Variants in CCDC192 observed in about 807,000 individuals in gnomAD.
CCDC192 encodes coiled-coil domain-containing protein 192.
chr5:127,881,388 G>A (rs1752345910), intron 6 of CCDC192, among the ~76,000 whole-genome samples: 1 of 152,150 alleles, frequency 6.6e-6, no homozygotes, highest in Non-Finnish European at 1.5e-5. Context: ...TTAATGAAAT[G>A]TTTCCAAATA....
intron 6 of CCDC192, among the ~76,000 whole-genome samples, chr5:127,900,404 T>G (rs1753006947): frequency 6.6e-6 from 1 of 152,308 alleles, no homozygotes; most frequent in Middle Eastern, 3.4e-3. Flanking sequence ...TAGGATGAGA[T>G]TCCACCTGTT....
At chr5:127,940,595 G>T (rs536360665) in intron 6 of CCDC192, 1 of 151,990 alleles carries the variant, frequency 6.6e-6, no homozygotes, top group East Asian at 1.9e-4. Flanking sequence ...GACTACAGGC[G>T]CCTGCCACCA....
At chr5:127,834,294 A>G (rs1329960874) in intron 5 of CCDC192, among the ~76,000 whole-genome samples, 1 of 152,104 alleles carries the variant, frequency 6.6e-6, no homozygotes, top group Non-Finnish European at 1.5e-5. Flanking sequence ...TTGTCTCATC[A>G]CTTGTCTAAA....
At chr5:127,725,540 T>A (rs903825971) in intron 2 of CCDC192, among the ~76,000 whole-genome samples, 2 of 152,242 alleles carry the variant, frequency 1.3e-5, no homozygotes, top group African/African-American at 4.8e-5. Flanking sequence ...ATAAGATATC[T>A]GATATTCCCA....
rs182180935 is a variant in CCDC192, at chr5:127,928,205, C to T, written c.536-12977C>T. Among the ~76,000 whole-genome samples, 219 of 152,246 alleles carry T rather than the reference C, an allele frequency of 1.4e-3. 2 individuals carry two copies. Among genetic ancestry groups the T allele is most frequent in the African/African-American group, 5.1e-3 (211 of 41,562 alleles). On this transcript the variant is annotated intron_variant, in intron 6 of 6. Coordinates refer to ENST00000514853, the MANE Select transcript of CCDC192 (RefSeq NM_001317938.2). ...AAAGTGCTGGGATTACAGGCCTGAGCGACCACGCCTGGCTGGTGATCTTTT... is the reference window on the plus strand; with the variant it reads ...AAAGTGCTGGGATTACAGGCCTGAGTGACCACGCCTGGCTGGTGATCTTTT...
intron 6 of CCDC192, among the ~76,000 whole-genome samples, chr5:127,912,047 G>A (rs952413978): frequency 1.3e-5 from 2 of 150,518 alleles, no homozygotes; most frequent in Non-Finnish European, 1.5e-5. Flanking sequence ...TCAGCCTCCC[G>A]AGCAGCTGGG....
intron 6 of CCDC192, among the ~76,000 whole-genome samples, chr5:127,902,304 ATAAG>A (rs1753057985): frequency 6.6e-6 from 1 of 152,048 alleles, no homozygotes; most frequent in Non-Finnish European, 1.5e-5. Context: ...AATTAAAAAA[ATAAG>A]AACCACATAA....
At chr5:127,815,124 TA>T (rs1748946196) in intron 5 of CCDC192, among the ~76,000 whole-genome samples, 1 of 152,206 alleles carries the variant, frequency 6.6e-6, no homozygotes, top group Admixed American at 6.5e-5. Context: ...GGTGTTTCTC[TA>T]TCTGAAACTG....
intron 5 of CCDC192, among the ~76,000 whole-genome samples, chr5:127,814,422 C>A (rs1465305059): frequency 2.6e-5 from 4 of 152,082 alleles, no homozygotes; most frequent in Non-Finnish European, 5.9e-5. Flanking sequence ...CAGGAGGTAA[C>A]CAAAGTAACC....
chr5:127,918,825 G>A (rs1408474438), intron 6 of CCDC192, among the ~76,000 whole-genome samples: 1 of 150,010 alleles, frequency 6.7e-6, no homozygotes, highest in Non-Finnish European at 1.5e-5. Flanking sequence ...GTGTGTCTCT[G>A]TATGTCTCTC....
chr5:127,807,631 A>G (rs1757862506), intron 5 of CCDC192, among the ~76,000 whole-genome samples: 1 of 152,118 alleles, frequency 6.6e-6, no homozygotes, highest in Non-Finnish European at 1.5e-5. Flanking sequence ...GTAGTTCTTC[A>G]ATTCAAGAAA....
At chr5:127,890,345 AGTTGC>A (rs1752698094) in intron 6 of CCDC192, among the ~76,000 whole-genome samples, 1 of 151,992 alleles carries the variant, frequency 6.6e-6, no homozygotes, top group African/African-American at 2.4e-5. Flanking sequence ...TGACTTTCCC[AGTTGC>A]TCCTGTAGAT....
intron 6 of CCDC192, among the ~76,000 whole-genome samples, chr5:127,926,138 A>G (rs530670065): frequency 6.6e-6 from 1 of 152,304 alleles, no homozygotes; most frequent in East Asian, 1.9e-4. Flanking sequence ...AACACTCAGC[A>G]ATGTATGAGT....
rs190496964 is a variant in CCDC192 at position 127,876,971 on chromosome 5, T to G, written c.535+1310T>G. Among the ~76,000 whole-genome samples, 847 of 152,290 alleles carry G rather than the reference T, an allele frequency of 5.6e-3. 32 individuals carry two copies. The highest frequency in any genetic ancestry group is 0.048 in the Admixed American group (729 of 15,286). ...CACCATGAAACCTAAAAGAATAAAA[T>G]CCGTCACAGAATATTATCCATTTAA... is the stretch of plus-strand genomic sequence containing the variant. On this transcript the variant is annotated intron_variant, in intron 6 of 6. Transcript: ENST00000514853.
At chr5:127,800,376 GAAAAAAAAAAAAAAA>G (rs1168212422) in intron 5 of CCDC192, among the ~76,000 whole-genome samples, 3 of 19,512 alleles carry the variant, frequency 1.5e-4, no homozygotes, top group African/African-American at 7.1e-4. Flanking sequence ...GAGGTATTCT[GAAAAAAAAAAAAAAA>G]AAAAAAAAAA....
intron 2 of CCDC192, among the ~76,000 whole-genome samples, chr5:127,708,961 A>G (rs1439891525): frequency 1.3e-5 from 2 of 151,974 alleles, no homozygotes; most frequent in African/African-American, 4.8e-5. Flanking sequence ...ATATATAAAG[A>G]AAAGAGATTC....
At chr5:127,755,922 A>T (rs973902133) in intron 3 of CCDC192, among the ~76,000 whole-genome samples, 3 of 152,064 alleles carry the variant, frequency 2.0e-5, no homozygotes, top group African/African-American at 7.2e-5. Context: ...CACGAGGTCA[A>T]GAGATCGAGA....
intron 6 of CCDC192, among the ~76,000 whole-genome samples, chr5:127,932,238 C>T (rs1039781458): frequency 6.6e-6 from 1 of 151,746 alleles, no homozygotes; most frequent in Admixed American, 6.6e-5. Context: ...AAGTTTCACT[C>T]TTGTTGCACA....
At chr5:127,722,106 C>G (rs1752062159) in intron 2 of CCDC192, among the ~76,000 whole-genome samples, 1 of 152,206 alleles carries the variant, frequency 6.6e-6, no homozygotes, top group South Asian at 2.1e-4. Flanking sequence ...TCCCTTTTCT[C>G]CACATCCCTG....
Sources: gnomAD v4.1 joint callset for allele counts (sites outside exome capture counted in the v4.1 genomes callset) on GRCh38, gnomAD v4.1.1 for gene constraint, MANE v1.5 for transcripts, NCBI Gene and HGNC (gene_info 2026-07-23, HGNC 2026-07-21) for gene names.